Variants in DNAH7 observed in about 807,000 individuals in gnomAD.
The protein encoded by DNAH7 is axonemal beta dynein heavy chain 7.
DNAH7 carries 397 observed loss-of-function variants against 444.6 expected under a neutral mutation model. The observed-to-expected ratio is 0.89, with a 90% CI of 0.82 to 0.97. The LOEUF (loss-of-function observed/expected upper bound fraction) is 0.97. DNAH7 is among the 50% of genes least tolerant of loss of function. The pLI, the probability that DNAH7 is intolerant of heterozygous loss-of-function variation, is 0.00. For synonymous variants in DNAH7, 1,636 were observed against 1,624.4 expected, an observed-to-expected ratio of 1.01 and a Z score of -0.17; for missense variants, 4,902 against 4,800.8, an observed-to-expected ratio of 1.02 and a Z score of -0.62.
chr2:196,048,470 C>T, intron 3 of DNAH7, 66 bp from the exon 4 acceptor site: 9 of 1,327,912 alleles, frequency 6.8e-6, no homozygotes, highest in Non-Finnish European at 8.5e-6. Context: ...CCATGAAATG[C>T]ACGAGTGTTT....
At chr2:195,891,549 C>G in intron 31 of DNAH7, 106 bp downstream of exon 31, 1 of 1,038,096 alleles carries the variant, frequency 9.6e-7, no homozygotes, top group South Asian at 3.0e-5. Flanking sequence ...TAAATAATAT[C>G]TTAATCTATA....
At chr2:195,862,070 G>C in intron 41 of DNAH7, 124 bp from the exon 42 acceptor site, 1 of 733,332 alleles carries the variant, frequency 1.4e-6, no homozygotes, top group Non-Finnish European at 2.3e-6. Flanking sequence ...GATGGTGTGG[G>C]AGAGACAATT....
chr2:196,063,774 T>A (rs1486807186), intron 1 of DNAH7: 2 of 152,416 alleles, frequency 1.3e-5, no homozygotes, highest in South Asian at 2.1e-4. Flanking sequence ...AGTGTCAGCA[T>A]CATTCCATCA....
intron 44 of DNAH7, 127 bp from the exon 45 acceptor site, chr2:195,856,118 G>T: frequency 2.5e-6 from 2 of 806,290 alleles, no homozygotes; most frequent in East Asian, 2.8e-5. Context: ...AATCTAAACC[G>T]ATTTCCATAT....
At chr2:196,037,289 GAC>G (rs2125818263) in intron 5 of DNAH7, among the ~76,000 whole-genome samples, 1 of 152,084 alleles carries the variant, frequency 6.6e-6, no homozygotes, top group African/African-American at 2.4e-5. Context: ...TGGAAGAAGT[GAC>G]AGTTATAACA....
chr2:195,921,158 C>T (rs981439171), intron 24 of DNAH7, among the ~76,000 whole-genome samples: 1 of 152,092 alleles, frequency 6.6e-6, no homozygotes, highest in Non-Finnish European at 1.5e-5. Context: ...GTGGAGATTC[C>T]TTAAAGAACT....
At chr2:195,890,518 TTC>T (rs895097428) in intron 31 of DNAH7, among the ~76,000 whole-genome samples, 12 of 152,178 alleles carry the variant, frequency 7.9e-5, no homozygotes, top group Non-Finnish European at 1.0e-4. Flanking sequence ...TCATGATTAT[TTC>T]TGTGTAAATA....
intron 49 of DNAH7, among the ~76,000 whole-genome samples, chr2:195,818,890 G>A (rs1308240096): frequency 1.3e-5 from 2 of 151,778 alleles, no homozygotes; most frequent in African/African-American, 4.8e-5. Flanking sequence ...TAATAATAAA[G>A]ATGGCTCTTT....
chr2:195,991,655 C>T (rs115525964), intron 12 of DNAH7, among the ~76,000 whole-genome samples: 2,383 of 152,288 alleles, frequency 0.016, 59 homozygotes, highest in African/African-American at 0.054. Flanking sequence ...TAAACACACA[C>T]CTAACACTGT....
rs145814696 is a variant in DNAH7, at chr2:196,000,800, C to T, written c.1257G>A (p.Leu419=). 1.9e-5 allele frequency: 31 copies of T among 1,609,506 alleles called. No homozygotes were observed. The East Asian group carries it at 6.7e-4, about 35-fold the overall frequency. Residue 419 remains leucine (L), a synonymous_variant, in exon 12 of 65, where the codon TTG becomes TTA. Transcript: ENST00000312428. ...TTAGAAAGATATCTATATAGTCACT[C>T]AACTCAGGTTCAAACTTAATGGTGT... ...DNDTIKFEPE[L]SDYIDIFLNV... is the part of the protein sequence containing the mutation.
At chr2:195,818,726 A>G (rs943298319) in intron 49 of DNAH7, among the ~76,000 whole-genome samples, 7 of 152,180 alleles carry the variant, frequency 4.6e-5, no homozygotes, top group African/African-American at 1.7e-4. Context: ...ACACTGCTAT[A>G]AACCATAGTA....
At chr2:195,803,634 TTC>T (rs1458086266) in intron 54 of DNAH7, among the ~76,000 whole-genome samples, 1 of 152,226 alleles carries the variant, frequency 6.6e-6, no homozygotes, top group Non-Finnish European at 1.5e-5. Context: ...TAGGCAACCA[TTC>T]TCCCACAGGC....
intron 15 of DNAH7, among the ~76,000 whole-genome samples, chr2:195,973,267 C>G (rs1416178098): frequency 6.6e-6 from 1 of 152,098 alleles, no homozygotes; most frequent in Non-Finnish European, 1.5e-5. Context: ...GTTCCAGTCC[C>G]CCTGGTACCA....
At position 196,026,909 on chromosome 2, in the gene DNAH7, T is replaced by C. The variant is rs1230578383; in HGVS notation, c.518A>G (p.Asp173Gly). ...TTCCATTGGGGCTACATGGTCTGTA[T>C]CAATTCCATGGTGAATATAATAGTA... ...RYYYYIHHGI[D>G]TDHVAPMEDS... Residue 173 changes from aspartate (D) to glycine (G), a missense_variant, in exon 7 of 65, where the codon GAT (aspartate) becomes GGT (glycine). Coordinates refer to ENST00000312428, the MANE Select transcript of DNAH7 (RefSeq NM_018897.3). The C allele has an allele frequency of 6.2e-6, 10 of 1,611,264 alleles. No individual in the cohort carries two copies. The East Asian group carries it at 2.2e-4, about 36-fold the overall frequency.
chr2:195,797,993 A>T (rs112914746), intron 55 of DNAH7, among the ~76,000 whole-genome samples: 32 of 152,244 alleles, frequency 2.1e-4, no homozygotes, highest in Non-Finnish European at 3.8e-4. Flanking sequence ...GCAAAAATAC[A>T]TAATTCAAAA....
In DNAH7 at chr2:195,900,512, G is replaced by A. The variant is rs767895747; in HGVS notation, c.4336-18C>T. The stretch of plus-strand genomic sequence containing the variant: ...AAGAGAGCCTATGGGTAGGTAGAAA[G>A]TTACTTTTAAAAGGATCATCATAAA... On this transcript the variant is annotated intron_variant, in intron 27 of 64. Transcript: ENST00000312428. 3 of 1,607,934 alleles carry A rather than the reference G, an allele frequency of 1.9e-6. No individual in the cohort carries two copies. Among genetic ancestry groups the A allele is most frequent in the Admixed American group, 3.3e-5 (2 of 59,934 alleles).
intron 12 of DNAH7, chr2:195,995,301 A>G: frequency 2.1e-6 from 1 of 484,966 alleles, no homozygotes; most frequent in Non-Finnish European, 4.1e-6. Flanking sequence ...TTGTACTTTT[A>G]GCAGTTTTTC....
chr2:195,980,100 G>A (rs985532822), intron 15 of DNAH7, among the ~76,000 whole-genome samples: 12 of 146,314 alleles, frequency 8.2e-5, no homozygotes, highest in Admixed American at 4.1e-4. Flanking sequence ...GAGGAGGGGC[G>A]ATATGGTTTG....
chr2:195,790,457 G>A (rs1163860383), intron 57 of DNAH7, among the ~76,000 whole-genome samples: 1 of 146,918 alleles, frequency 6.8e-6, no homozygotes, highest in Non-Finnish European at 1.5e-5. Context: ...AAACAGCATG[G>A]TACTGGTTAA....
Sources: allele counts gnomAD v4.1 joint callset (sites outside exome capture counted in the v4.1 genomes callset), GRCh38; gene constraint gnomAD v4.1.1; transcripts MANE v1.5; gene names NCBI Gene and HGNC (gene_info 2026-07-23, HGNC 2026-07-21).